ABCB8: variants seen among roughly 807,000 people sequenced by gnomAD.
The protein encoded by ABCB8 is mitochondrial potassium channel ATP-binding subunit.
Under a neutral mutation model 73.0 loss-of-function variants are expected in ABCB8, and 52 were observed. That is an observed-to-expected ratio of 0.71 (90% CI 0.57 to 0.90). The LOEUF is 0.90. ABCB8 is among the 40% of genes least tolerant of loss of function. ABCB8 has a pLI of 0.00. For synonymous variants in ABCB8, 428 were observed against 423.5 expected (o/e 1.01, Z -0.13); for missense variants, 909 against 974.6 (o/e 0.93, Z 0.90).
intron 9 of ABCB8, 59 bp downstream of exon 9, chr7:151,036,708 G>T: frequency 1.4e-6 from 2 of 1,435,898 alleles, no homozygotes; most frequent in East Asian, 2.3e-5. Context: ...GAGCCCTGCT[G>T]GGTTAGGGGA....
intron 9 of ABCB8, chr7:151,037,526 A>T: frequency 5.1e-6 from 3 of 590,938 alleles, no homozygotes; most frequent in Non-Finnish European, 9.1e-6. Flanking sequence ...AGCTAAACAC[A>T]AGCAGTTCTA....
rs1267382538 is a variant in ABCB8 at position 151,036,159 on chromosome 7, T to C, written c.1100T>C (p.Ile367Thr). 1 of 1,609,448 alleles carries C rather than the reference T, an allele frequency of 6.2e-7. No individual in the cohort carries two copies. The highest frequency in any genetic ancestry group is 1.1e-5 in the South Asian group (1 of 90,950). ...GCCTTGTTCCAAGGGCTTTCCAACATCGCCTTCAACTGTGAGTGAGCCATT... is the reference window on the plus strand; with the variant it reads ...GCCTTGTTCCAAGGGCTTTCCAACACCGCCTTCAACTGTGAGTGAGCCATT... ...GIALFQGLSN[I>T]AFNCMVLGTL... The change falls in exon 8 of 16, where the codon ATC becomes ACC. Residue 367 changes from isoleucine to threonine, a missense_variant. Coordinates refer to ENST00000358849, the MANE Select transcript of ABCB8 (RefSeq NM_007188.5).
intron 9 of ABCB8, 68 bp from the exon 10 acceptor site, chr7:151,040,200 G>A: frequency 6.4e-7 from 1 of 1,573,830 alleles, no homozygotes; most frequent in Non-Finnish European, 8.6e-7. Flanking sequence ...GCCCCACCGT[G>A]GCTTCCTTCC....
chr7:151,037,271 C>T (rs775533752), intron 9 of ABCB8: 6 of 702,936 alleles, frequency 8.5e-6, no homozygotes, highest in Non-Finnish European at 1.6e-5. Context: ...GTCCGAATTC[C>T]CTTCCGCTGC....
At chr7:151,028,775 T>C in intron 1 of ABCB8, 165 bp downstream of exon 1, 1 of 1,538,128 alleles carries the variant, frequency 6.5e-7, no homozygotes, top group Non-Finnish European at 8.7e-7. Flanking sequence ...CTCAATTATT[T>C]ATAGTGACAC....
Position 151,036,102 on chromosome 7 carries a change from G to A in ABCB8, c.1043G>A (p.Arg348His), listed in dbSNP as rs1038478089. The A allele has an allele frequency of 8.7e-6, 14 of 1,613,302 alleles. No individual in the cohort carries two copies. Among genetic ancestry groups the A allele is most frequent in the Non-Finnish European group, 1.1e-5 (13 of 1,179,988 alleles). Residue 348 changes from arginine to histidine, a missense_variant, in exon 8 of 16, where the codon CGC (arginine) becomes CAC (histidine). By Grantham distance (29) the Arg-to-His change is conservative. Transcript: ENST00000358849. ...TATGGGGCAGAGCTGGAAGCCTGCC[G>A]CTGCCGGGCAGAGGAGCTGGGCCGC... ...ERYGAELEAC[R>H]CRAEELGRGI...
At position 151,036,534 on chromosome 7, in the gene ABCB8, T is replaced by A. The variant is rs773911539; in HGVS notation, c.1112-10T>A. 3 of 1,612,050 alleles carry A rather than the reference T, an allele frequency of 1.9e-6. 1 individual carries two copies. The Admixed American group carries it at 5.0e-5, about 27-fold the overall frequency. On this transcript the variant is annotated splice_polypyrimidine_tract_variant and intron_variant, in intron 8 of 15. Transcript: ENST00000358849. ...TGGCTTCGTCCTCCCTCACTTCCCCTCTCCTGCAGGCATGGTCTTGGGTAC... is the reference window on the plus strand; with the variant it reads ...TGGCTTCGTCCTCCCTCACTTCCCCACTCCTGCAGGCATGGTCTTGGGTAC...
At chr7:151,037,786 G>A (rs529701140) in intron 9 of ABCB8, 1 of 176,006 alleles carries the variant, frequency 5.7e-6, no homozygotes, top group South Asian at 1.3e-4. Context: ...ACTGTCCCAG[G>A]AAGCGGGAGG....
chr7:151,030,510 C>CAAATAAATAAATAAATAAAT (rs59305252), intron 1 of ABCB8, among the ~76,000 whole-genome samples: 34 of 150,262 alleles, frequency 2.3e-4, no homozygotes, highest in African/African-American at 7.9e-4. Context: ...GACTCCGTCT[C>CAAATAAATAAATAAATAAAT]AAATAAATAA....
chr7:151,036,464 C>G (rs1005206530), intron 8 of ABCB8, 80 bp from the exon 9 acceptor site: 5 of 1,276,066 alleles, frequency 3.9e-6, no homozygotes, highest in Non-Finnish European at 5.7e-6. Flanking sequence ...CCTGACTCTC[C>G]CAGTCAGCAG....
In ABCB8 at chr7:151,045,673, T is replaced by C. The variant is rs893793188; in HGVS notation, c.*324T>C. 2.2e-5 allele frequency: 6 copies of C among 266,766 alleles called. No individual in the cohort carries two copies. Among genetic ancestry groups the C allele is most frequent in the African/African-American group, 4.4e-5 (2 of 45,480 alleles). The allele number at this position is 266,766 out of a possible 1,614,324, so 16.5% of individuals were successfully genotyped here. A position where few individuals can be genotyped will look rare whatever the true frequency, so the allele number is the denominator to read the frequency against. ...ACCCCTCCAGACCTCTCAAGAGACGTTCTGGCCAGTCTCCCTGCCCCACCC... is the reference window on the plus strand; with the variant it reads ...ACCCCTCCAGACCTCTCAAGAGACGCTCTGGCCAGTCTCCCTGCCCCACCC... On this transcript the variant is annotated 3_prime_UTR_variant, in exon 16 of 16. Coordinates refer to ENST00000358849, the MANE Select transcript of ABCB8 (RefSeq NM_007188.5).
At chr7:151,043,838 A>G (rs972846147) in intron 14 of ABCB8, 133 bp from the exon 15 acceptor site, 55 of 1,281,830 alleles carry the variant, frequency 4.3e-5, no homozygotes, top group Non-Finnish European at 5.9e-5. Flanking sequence ...GGTCAGAGGC[A>G]GGAGGAGGGT....
chr7:151,047,184 G>C lies in ABCB8; in HGVS notation c.*1835G>C, dbSNP rs1258721027. 6.6e-6 allele frequency: 1 copy of C among 152,194 alleles called. No individual in the cohort carries two copies. The highest frequency in any genetic ancestry group is 2.4e-5 in the African/African-American group (1 of 41,438). The allele number at this position is 152,194 out of a possible 1,614,324, so 9.4% of individuals were successfully genotyped here. On this transcript the variant is annotated 3_prime_UTR_variant, in exon 16 of 16. Transcript: ENST00000358849. ...CTCTGACACCAGATTTATATCTTCT[G>C]GGCGGCTTCTTTAAATCCAGCCCTT...
rs1278613940 is a variant in ABCB8, at chr7:151,036,529, TC to T, written c.1112-11del. On this transcript the variant is annotated splice_polypyrimidine_tract_variant and intron_variant, in intron 8 of 15. Transcript: ENST00000358849. ...TGCCCTGGCTTCGTCCTCCCTCACT[TC>T]CCCTCTCCTGCAGGCATGGTCTTGG... The T allele has an allele frequency of 8.7e-6, 14 of 1,609,428 alleles. No individual in the cohort carries two copies. The highest frequency in any genetic ancestry group is 1.2e-5 in the Non-Finnish European group (14 of 1,176,026).
intron 1 of ABCB8, chr7:151,029,831 T>C (rs1255609666): frequency 6.6e-6 from 1 of 152,126 alleles, no homozygotes; most frequent in Non-Finnish European, 1.5e-5. Context: ...TAGAGTGAAT[T>C]ACTTGGGGGC....
At position 151,033,906 on chromosome 7, in the gene ABCB8, G is replaced by C; in HGVS notation, c.397G>C (p.Val133Leu). 1 of 1,596,390 alleles carries C rather than the reference G, an allele frequency of 6.3e-7. No individual in the cohort carries two copies. The highest frequency in any genetic ancestry group is 8.5e-7 in the Non-Finnish European group (1 of 1,169,716). The change falls in exon 2 of 16, where the codon GTA (valine) becomes CTA (leucine). Residue 133 changes from valine to leucine, a missense_variant. Coordinates refer to ENST00000358849, the MANE Select transcript of ABCB8 (RefSeq NM_007188.5). Reference sequence around the variant, plus strand: ...GCACCCCCACCTGCTGGTCCTGGGGGTAGCCGTCGTGGTGAGGCTTTCCCC... The same window carrying C: ...GCACCCCCACCTGCTGGTCCTGGGGCTAGCCGTCGTGGTGAGGCTTTCCCC... ...FLHPHLLVLG[V>L]AVVLALGAAL...
chr7:151,045,426 G>T lies in ABCB8; in HGVS notation c.*77G>T. On this transcript the variant is annotated 3_prime_UTR_variant, in exon 16 of 16. Coordinates refer to ENST00000358849, the MANE Select transcript of ABCB8 (RefSeq NM_007188.5). ...GCTCAGCCTGGGGGAGCCTACTGGG[G>T]ACTGAGCCCCCAGGAGGGCCAGCAT... The T allele has an allele frequency of 7.2e-7, 1 of 1,380,400 alleles. No homozygotes were observed. 85.5% of individuals were successfully genotyped at this position (1,380,400 alleles called of 1,614,324 possible).
chr7:151,034,718 T>G lies in ABCB8; in HGVS notation c.660-6T>G. ...GCCCTCCTTATTGGTTCTTGTCCCA[T>G]GCCAGACAAGACATCACCTTCTTTG... is the stretch of plus-strand genomic sequence containing the variant. On this transcript the variant is annotated splice_polypyrimidine_tract_variant and splice_region_variant and intron_variant, in intron 4 of 15. Coordinates refer to ENST00000358849, the MANE Select transcript of ABCB8 (RefSeq NM_007188.5). The G allele has an allele frequency of 6.2e-7, 1 of 1,613,750 alleles. No homozygotes were observed.
At position 151,028,525 on chromosome 7, in the gene ABCB8, C is replaced by A. The variant is rs1190357527; in HGVS notation, c.10C>A (p.His4Asn). MLV[H>N]LFRVGIRGGP... ...GTTTTACCGCGTCAGCATGCTGGTG[C>A]ATTTATTTCGGGTCGGGATTCGGGG... The change falls in exon 1 of 16, where the codon CAT (histidine) becomes AAT (asparagine). Residue 4 changes from histidine to asparagine, a missense_variant. By Grantham distance (68) the His-to-Asn change is moderately conservative. Transcript: ENST00000358849. The A allele has an allele frequency of 1.2e-6, 2 of 1,613,480 alleles. No individual in the cohort carries two copies. The highest frequency in any genetic ancestry group is 1.3e-5 in the African/African-American group (1 of 74,934).
Sources: gnomAD v4.1 joint callset for allele counts (sites outside exome capture counted in the v4.1 genomes callset) on GRCh38, gnomAD v4.1.1 for gene constraint, MANE v1.5 for transcripts, NCBI Gene and HGNC (gene_info 2026-07-23, HGNC 2026-07-21) for gene names.